GDAP1: variants seen among roughly 807,000 people sequenced by gnomAD.
GDAP1 encodes the protein ganglioside-induced differentiation-associated protein 1.
In GDAP1, 34 loss-of-function variants were observed where a neutral mutation model predicts 40.1. That is an observed-to-expected ratio of 0.85 (90% confidence interval 0.64 to 1.13). GDAP1 has a LOEUF of 1.13. GDAP1 is among the 50% of genes most tolerant of loss of function. The pLI is 0.00. For synonymous variants in GDAP1, 170 were observed against 157.4 expected (o/e 1.08, Z -0.60); for missense variants, 374 against 433.7 (o/e 0.86, Z 1.22).
At chr8:74,398,781 G>C (rs889637733) in intron 2 of GDAP1, among the ~76,000 whole-genome samples, 3 of 151,898 alleles carry the variant, frequency 2.0e-5, no homozygotes, top group African/African-American at 7.3e-5. Context: ...TTTGTCAAAG[G>C]CCTTTTCTGC....
At chr8:74,402,287 A>G (rs112365438) in intron 2 of GDAP1, among the ~76,000 whole-genome samples, 3 of 150,324 alleles carry the variant, frequency 2.0e-5, no homozygotes, top group African/African-American at 5.0e-5. Context: ...CCTCGCTGCC[A>G]CCTTGCAGTT....
chr8:74,477,165 T>A (rs1220299793), intron 2 of GDAP1, among the ~76,000 whole-genome samples: 2 of 152,228 alleles, frequency 1.3e-5, no homozygotes, highest in Non-Finnish European at 2.9e-5. Context: ...CTACTGGCTA[T>A]TTTGTCTGTC....
intron 2 of GDAP1, among the ~76,000 whole-genome samples, chr8:74,431,411 G>A (rs905874852): frequency 6.6e-6 from 1 of 152,076 alleles, no homozygotes; most frequent in Admixed American, 6.5e-5. Flanking sequence ...CTTAAGTAAT[G>A]AATATTATGG....
At chr8:74,361,755 C>T in intron 3 of GDAP1, 129 bp from the exon 4 acceptor site, 1 of 701,762 alleles carries the variant, frequency 1.4e-6, no homozygotes, top group Admixed American at 2.1e-5. Flanking sequence ...ACAGGGTAAG[C>T]CCAAGGCAGA....
chr8:74,413,836 A>C (rs1374879294), intron 2 of GDAP1, among the ~76,000 whole-genome samples: 1 of 149,256 alleles, frequency 6.7e-6, no homozygotes, highest in Non-Finnish European at 1.5e-5. Context: ...GAAAGCACAG[A>C]GGTCTGGAAA....
intron 2 of GDAP1, among the ~76,000 whole-genome samples, chr8:74,440,613 T>C (rs993376795): frequency 3.9e-5 from 6 of 152,124 alleles, no homozygotes; most frequent in African/African-American, 9.7e-5. Flanking sequence ...TCTTTTTTTT[T>C]TTTTCGTAAT....
intron 2 of GDAP1, among the ~76,000 whole-genome samples, chr8:74,357,103 T>C (rs1419589200): frequency 6.6e-6 from 1 of 152,182 alleles, no homozygotes; most frequent in East Asian, 1.9e-4. Context: ...TATATACTGA[T>C]GCAATCACTA....
chr8:74,450,358 T>C, intron 2 of GDAP1, among the ~76,000 whole-genome samples: 1 of 151,860 alleles, frequency 6.6e-6, no homozygotes, highest in East Asian at 1.9e-4. Context: ...ATAAAGATCA[T>C]TTATAGTATT....
chr8:74,363,410 T>G (rs1432613394), intron 5 of GDAP1, among the ~76,000 whole-genome samples: 1 of 152,130 alleles, frequency 6.6e-6, no homozygotes, highest in Non-Finnish European at 1.5e-5. Flanking sequence ...CAATCTAAAG[T>G]GTAATAAGGA....
chr8:74,488,261 G>A (rs6415632), intron 2 of GDAP1, among the ~76,000 whole-genome samples: 85,291 of 151,948 alleles, frequency 0.56, 25,722 homozygotes, highest in African/African-American at 0.79. Context: ...CTTTTTCTAC[G>A]GAAGTTATTG....
intron 2 of GDAP1, among the ~76,000 whole-genome samples, chr8:74,397,339 G>A (rs1810225747): frequency 6.6e-6 from 1 of 151,762 alleles, no homozygotes; most frequent in Admixed American, 6.6e-5. Flanking sequence ...TTCTTTTGCT[G>A]TGCAGAAGCT....
At chr8:74,468,475 CCATA>C (rs1329750730) in intron 2 of GDAP1, among the ~76,000 whole-genome samples, 3 of 91,678 alleles carry the variant, frequency 3.3e-5, no homozygotes, top group East Asian at 6.3e-4. Flanking sequence ...GTAAATGACC[CCATA>C]CACACACACA....
chr8:74,467,946 A>C (rs1806494507), intron 2 of GDAP1, among the ~76,000 whole-genome samples: 1 of 152,040 alleles, frequency 6.6e-6, no homozygotes, highest in African/African-American at 2.4e-5. Flanking sequence ...ATTTTCTTAG[A>C]ACATGATTTG....
chr8:74,416,386 C>T (rs960346850), intron 2 of GDAP1, among the ~76,000 whole-genome samples: 5 of 150,086 alleles, frequency 3.3e-5, no homozygotes, highest in African/African-American at 1.3e-4. Context: ...GGCCAATAAA[C>T]ACAGTCCATT....
chr8:74,457,141 T>C (rs1412643925), intron 2 of GDAP1, among the ~76,000 whole-genome samples: 1 of 152,080 alleles, frequency 6.6e-6, no homozygotes, highest in Non-Finnish European at 1.5e-5. Flanking sequence ...CCTTTTTGGC[T>C]CTTGAATTGC....
At chr8:74,385,323 C>T (rs546536824) in intron 2 of GDAP1, among the ~76,000 whole-genome samples, 1 of 152,160 alleles carries the variant, frequency 6.6e-6, no homozygotes, top group South Asian at 2.1e-4. Context: ...GCTATCCGTC[C>T]CCTAACCGCC....
At chr8:74,407,598 C>T (rs987749764) in intron 2 of GDAP1, among the ~76,000 whole-genome samples, 11 of 149,892 alleles carry the variant, frequency 7.3e-5, no homozygotes, top group Non-Finnish European at 1.6e-4. Flanking sequence ...GACAGCCTAT[C>T]GTGAGACTTC....
chr8:74,453,535 T>C (rs1586839510), intron 2 of GDAP1, among the ~76,000 whole-genome samples: 1 of 84,494 alleles, frequency 1.2e-5, no homozygotes, highest in East Asian at 3.5e-4. Flanking sequence ...TTTGGTTTCT[T>C]AAAGGTGGTA....
At chr8:74,433,241 T>C (rs750885357) in intron 2 of GDAP1, among the ~76,000 whole-genome samples, 1 of 152,202 alleles carries the variant, frequency 6.6e-6, no homozygotes, top group Non-Finnish European at 1.5e-5. Context: ...ATTTTCTTTA[T>C]AAAACTTACA....
Sources: gnomAD v4.1 joint callset for allele counts (sites outside exome capture counted in the v4.1 genomes callset) on GRCh38, gnomAD v4.1.1 for gene constraint, MANE v1.5 for transcripts, NCBI Gene and HGNC (gene_info 2026-07-23, HGNC 2026-07-21) for gene names.